Variants in CNKSR3 observed in about 807,000 individuals in gnomAD.
CNKSR3 encodes the protein connector enhancer of kinase suppressor of ras 3.
CNKSR3 carries 36 observed loss-of-function variants against 67.7 expected under a neutral mutation model. The observed-to-expected ratio is 0.53, with a 90% CI of 0.41 to 0.70. The LOEUF is 0.70. Ranked by LOEUF, CNKSR3 falls within the 30% of genes least tolerant of loss-of-function variation. CNKSR3 has a pLI of 0.00. For missense variants in CNKSR3, 630 were observed against 695.2 expected (o/e 0.91, Z 1.05); for synonymous variants, 281 against 271.4 (o/e 1.04, Z -0.35).
chr6:154,460,565 T>C (rs140556707), intron 1 of CNKSR3, among the ~76,000 whole-genome samples: 1 of 152,282 alleles, frequency 6.6e-6, no homozygotes, highest in Non-Finnish European at 1.5e-5. Flanking sequence ...ACCACACCAT[T>C]GTATCCAATT....
chr6:154,442,031 T>G (rs557490169), intron 3 of CNKSR3, 57 bp downstream of exon 3: 616 of 1,453,588 alleles, frequency 4.2e-4, no homozygotes, highest in Admixed American at 7.3e-4. Context: ...ACAGCTTCCA[T>G]GCAGCTTGGA....
At chr6:154,420,496 C>T (rs931267988) in intron 9 of CNKSR3, among the ~76,000 whole-genome samples, 15 of 151,410 alleles carry the variant, frequency 9.9e-5, no homozygotes, top group Non-Finnish European at 1.9e-4. Flanking sequence ...GAGACCATCC[C>T]GGCTAAAACG....
chr6:154,434,167 AACACT>A (rs1306079884), intron 4 of CNKSR3: 3 of 152,264 alleles, frequency 2.0e-5, no homozygotes, highest in Admixed American at 2.0e-4. Context: ...AAAGGCTTGG[AACACT>A]GTATGAACTG....
At chr6:154,488,133 AAAGT>A (rs1348896620) in intron 1 of CNKSR3, among the ~76,000 whole-genome samples, 20 of 152,316 alleles carry the variant, frequency 1.3e-4, no homozygotes, top group South Asian at 1.0e-3. Context: ...TTTTATAAGA[AAAGT>A]AAGGTAGTCT....
rs533314658 is a variant in CNKSR3 at position 154,395,390 on chromosome 6, C to A, written c.*10964G>T. On this transcript the variant is annotated 3_prime_UTR_variant, in exon 13 of 13. Transcript: ENST00000607772. ...AAAGGAGACTCTGTATTTAACCACC[C>A]AGGATCTCTTTATTTTAATTTGTTT... 2 of 152,302 alleles carry A rather than the reference C, an allele frequency of 1.3e-5. No individual in the cohort carries two copies. The highest frequency in any genetic ancestry group is 4.8e-5 in the African/African-American group (2 of 41,562). 9.4% of individuals were successfully genotyped at this position (152,302 alleles called of 1,614,324 possible). A position where few individuals can be genotyped will look rare whatever the true frequency, so the allele number is the denominator to read the frequency against.
intron 1 of CNKSR3, among the ~76,000 whole-genome samples, chr6:154,464,963 A>C (rs1329727594): frequency 2.6e-5 from 4 of 151,382 alleles, no homozygotes; most frequent in Non-Finnish European, 5.9e-5. Context: ...AACATGGTGA[A>C]ACCCCATCTC....
At chr6:154,476,122 C>T (rs189074691) in intron 1 of CNKSR3, among the ~76,000 whole-genome samples, 62 of 152,120 alleles carry the variant, frequency 4.1e-4, no homozygotes, top group African/African-American at 1.4e-3. Context: ...ATGATAAAAC[C>T]TATGCCATCA....
At chr6:154,461,161 G>A (rs1434303483) in intron 1 of CNKSR3, among the ~76,000 whole-genome samples, 1 of 152,144 alleles carries the variant, frequency 6.6e-6, no homozygotes, top group Non-Finnish European at 1.5e-5. Context: ...GGTGCTGGCC[G>A]GGTTATCATC....
intron 9 of CNKSR3, among the ~76,000 whole-genome samples, chr6:154,416,348 T>C (rs1261301847): frequency 1.3e-5 from 2 of 152,036 alleles, no homozygotes; most frequent in Non-Finnish European, 2.9e-5. Flanking sequence ...TCTTCCAGAG[T>C]AGAACCCCCA....
At chr6:154,426,129 TG>T (rs1785249934) in intron 7 of CNKSR3, among the ~76,000 whole-genome samples, 1 of 152,170 alleles carries the variant, frequency 6.6e-6, no homozygotes, top group South Asian at 2.1e-4. Flanking sequence ...GATTACCAGA[TG>T]GAAGAAGACA....
At chr6:154,491,944 G>A (rs1283022310) in intron 1 of CNKSR3, among the ~76,000 whole-genome samples, 1 of 152,148 alleles carries the variant, frequency 6.6e-6, no homozygotes, top group Non-Finnish European at 1.5e-5. Flanking sequence ...TGTGCATTGA[G>A]GGAGGTGCTT....
chr6:154,471,087 T>C (rs556984392), intron 1 of CNKSR3, among the ~76,000 whole-genome samples: 1 of 152,314 alleles, frequency 6.6e-6, no homozygotes, highest in South Asian at 2.1e-4. Context: ...AAAAAATCCA[T>C]ATTACGCCAA....
chr6:154,459,187 T>C (rs890253697), intron 1 of CNKSR3, among the ~76,000 whole-genome samples: 1 of 151,026 alleles, frequency 6.6e-6, no homozygotes, highest in Non-Finnish European at 1.5e-5. Flanking sequence ...TGAATGAACT[T>C]GGTCTTGAAA....
intron 1 of CNKSR3, among the ~76,000 whole-genome samples, chr6:154,499,684 G>C (rs1459388137): frequency 6.6e-6 from 1 of 152,116 alleles, no homozygotes; most frequent in East Asian, 1.9e-4. Flanking sequence ...TGCCCAAGTT[G>C]ATCTCGAACT....
chr6:154,437,603 A>G (rs956391124), intron 4 of CNKSR3, among the ~76,000 whole-genome samples: 1 of 151,732 alleles, frequency 6.6e-6, no homozygotes, highest in African/African-American at 2.4e-5. Flanking sequence ...TTTAGTACAG[A>G]TGGGGTTTCG....
intron 1 of CNKSR3, among the ~76,000 whole-genome samples, chr6:154,506,390 A>G (rs1787104352): frequency 6.6e-6 from 1 of 152,210 alleles, no homozygotes; most frequent in Non-Finnish European, 1.5e-5. Context: ...AAATTACAGC[A>G]ACCAGCCTTC....
intron 7 of CNKSR3, among the ~76,000 whole-genome samples, 174 bp from the exon 8 acceptor site, chr6:154,423,157 T>C (rs902247315): frequency 6.6e-6 from 1 of 152,258 alleles, no homozygotes; most frequent in Non-Finnish European, 1.5e-5. Flanking sequence ...CCTTAACACA[T>C]GAATCCTGTG....
intron 1 of CNKSR3, among the ~76,000 whole-genome samples, chr6:154,484,880 G>A (rs916543926): frequency 6.6e-6 from 1 of 152,078 alleles, no homozygotes; most frequent in Non-Finnish European, 1.5e-5. Context: ...GATGGCCCAC[G>A]CTGGGTCTTA....
At position 154,414,417 on chromosome 6, in the gene CNKSR3, G is replaced by A; in HGVS notation, c.952C>T (p.Pro318Ser). ...RWKPPLVQTS[P>S]PPATTQSPES... ...GGGGACTGGGTTGTCGCGGGTGGAG[G>A]TGAGGTCTGAAACAGGAGTAACACA... Residue 318 changes from proline (P) to serine (S), a missense_variant, in exon 10 of 13, where the codon CCT becomes TCT. By Grantham distance (74) the Pro-to-Ser change is moderately conservative. Transcript: ENST00000607772. 1 of 1,590,696 alleles carries A rather than the reference G, an allele frequency of 6.3e-7. No individual in the cohort carries two copies. Among genetic ancestry groups the A allele is most frequent in the Middle Eastern group, 1.7e-4 (1 of 5,924 alleles).
Sources: gnomAD v4.1 joint callset for allele counts (sites outside exome capture counted in the v4.1 genomes callset) on GRCh38, gnomAD v4.1.1 for gene constraint, MANE v1.5 for transcripts, NCBI Gene and HGNC (gene_info 2026-07-23, HGNC 2026-07-21) for gene names.